FAM13A: variants seen among roughly 807,000 people sequenced by gnomAD.
FAM13A encodes family with sequence similarity 13 member A.
A neutral mutation model predicts 129.6 loss-of-function variants in FAM13A; 76 were observed. That is an observed-to-expected ratio of 0.59 (90% CI 0.49 to 0.71). The LOEUF (loss-of-function observed/expected upper bound fraction) is 0.71. FAM13A is among the 30% of genes least tolerant of loss of function. FAM13A has a pLI of 0.00. For synonymous variants in FAM13A, 443 were observed against 449.9 expected (o/e 0.98, Z 0.20); for missense variants, 1,108 against 1,249.3 (o/e 0.89, Z 1.70).
intron 5 of FAM13A, among the ~76,000 whole-genome samples, chr4:88,922,533 C>A (rs1246636): frequency 6.6e-6 from 1 of 151,830 alleles, no homozygotes; most frequent in African/African-American, 2.4e-5. Flanking sequence ...ACCAGAATCT[C>A]TGGGACACAT....
At chr4:88,832,064 G>C (rs1336426854) in intron 7 of FAM13A, among the ~76,000 whole-genome samples, 1 of 152,046 alleles carries the variant, frequency 6.6e-6, no homozygotes, top group Non-Finnish European at 1.5e-5. Context: ...ACAGAATAGA[G>C]AACTCAGAAA....
chr4:88,822,839 G>C (rs1257616533), intron 7 of FAM13A: 1 of 1,210,254 alleles, frequency 8.3e-7, no homozygotes, highest in Non-Finnish European at 1.1e-6. Flanking sequence ...TCTGTTCTTA[G>C]GGAGGAACCA....
rs565267823 is a variant in FAM13A at position 88,733,763 on chromosome 4, A to G, written c.2647-1565T>C. On this transcript the variant is annotated intron_variant, in intron 21 of 23. Transcript: ENST00000264344. Reference sequence around the variant, plus strand: ...CAGTCTAGTAATTCAGTTTGAAAAGAGAACTACAAAAAATTACTATTAGAA... The same window carrying G: ...CAGTCTAGTAATTCAGTTTGAAAAGGGAACTACAAAAAATTACTATTAGAA... 1.1e-3 allele frequency among the ~76,000 whole-genome samples: 170 copies of G among 152,388 alleles called. 2 individuals are homozygous for G. The highest frequency in any genetic ancestry group is 2.9e-3 in the South Asian group (14 of 4,834).
At chr4:88,812,654 T>G (rs1473525242) in intron 7 of FAM13A, among the ~76,000 whole-genome samples, 2 of 152,220 alleles carry the variant, frequency 1.3e-5, no homozygotes, top group Non-Finnish European at 2.9e-5. Context: ...CCTCCAGGCT[T>G]CAAGACACTT....
At chr4:88,855,475 T>A (rs536920198) in intron 6 of FAM13A, 1 of 152,270 alleles carries the variant, frequency 6.6e-6, no homozygotes, top group African/African-American at 2.4e-5. Flanking sequence ...ATTAAAATAC[T>A]TACAAAGTTT....
chr4:88,755,657 A>G (rs1156654552), intron 14 of FAM13A, among the ~76,000 whole-genome samples: 1 of 152,212 alleles, frequency 6.6e-6, no homozygotes, highest in Non-Finnish European at 1.5e-5. Context: ...TGGCCTCAGT[A>G]TTCTCATCTG....
intron 6 of FAM13A, among the ~76,000 whole-genome samples, chr4:88,893,814 G>C (rs1357335079): frequency 7.8e-6 from 1 of 127,474 alleles, no homozygotes. Context: ...CTGATGGAGC[G>C]AGACTCCGTC....
chr4:88,781,949 C>G (rs1171989857), intron 10 of FAM13A, among the ~76,000 whole-genome samples: 2 of 150,546 alleles, frequency 1.3e-5, no homozygotes, highest in East Asian at 3.9e-4. Context: ...ATGTAACAAA[C>G]CTGCACATTG....
At chr4:88,883,246 A>G (rs1201120803) in intron 6 of FAM13A, among the ~76,000 whole-genome samples, 2 of 152,184 alleles carry the variant, frequency 1.3e-5, no homozygotes, top group Non-Finnish European at 2.9e-5. Flanking sequence ...ATTCTCCAAG[A>G]TAGACCACAC....
chr4:88,737,380 C>T (rs1212910218), intron 21 of FAM13A, 92 bp downstream of exon 21: 5 of 1,092,242 alleles, frequency 4.6e-6, no homozygotes, highest in Admixed American at 3.5e-5. Context: ...CCAAAAGGCC[C>T]GATCACACCC....
intron 2 of FAM13A, among the ~76,000 whole-genome samples, chr4:89,024,759 T>C (rs946842331): frequency 6.6e-6 from 1 of 152,212 alleles, no homozygotes; most frequent in Non-Finnish European, 1.5e-5. Context: ...TTTATTAACA[T>C]GGTAGTTTCA....
chr4:89,021,023 C>T (rs1767190003), intron 2 of FAM13A, among the ~76,000 whole-genome samples: 1 of 152,216 alleles, frequency 6.6e-6, no homozygotes, highest in South Asian at 2.1e-4. Flanking sequence ...AGCAGCTTAA[C>T]ACTTCATGAA....
intron 1 of FAM13A, among the ~76,000 whole-genome samples, chr4:89,041,742 G>A (rs138744895): frequency 0.013 from 1,939 of 152,098 alleles, 48 homozygotes; most frequent in African/African-American, 0.044. Context: ...CCAACATGGT[G>A]AAAGTCCTTC....
chr4:88,919,267 A>G (rs1260674882), intron 5 of FAM13A, among the ~76,000 whole-genome samples: 2 of 152,232 alleles, frequency 1.3e-5, no homozygotes, highest in Non-Finnish European at 2.9e-5. Flanking sequence ...CAGGGTTGCC[A>G]TGTACAGCAG....
chr4:88,998,220 T>G (rs1054799657), intron 3 of FAM13A, among the ~76,000 whole-genome samples: 2 of 152,104 alleles, frequency 1.3e-5, no homozygotes, highest in African/African-American at 4.8e-5. Context: ...GATAATAAAT[T>G]TGCAATGCAT....
intron 4 of FAM13A, among the ~76,000 whole-genome samples, chr4:88,978,245 T>C (rs563509005): frequency 9.2e-5 from 14 of 152,362 alleles, no homozygotes; most frequent in Non-Finnish European, 2.1e-4. Context: ...ATTTTAACTC[T>C]GTAATCCTAA....
At chr4:88,732,801 T>G (rs1738132015) in intron 21 of FAM13A, among the ~76,000 whole-genome samples, 1 of 151,758 alleles carries the variant, frequency 6.6e-6, no homozygotes, top group African/African-American at 2.4e-5. Flanking sequence ...ACTCAAGCTT[T>G]TCCAAAGAAC....
intron 6 of FAM13A, among the ~76,000 whole-genome samples, chr4:88,863,699 C>G (rs1360001429): frequency 6.6e-6 from 1 of 152,122 alleles, no homozygotes; most frequent in Non-Finnish European, 1.5e-5. Flanking sequence ...TTCATGTCTG[C>G]AGATAATTGG....
At position 88,850,997 on chromosome 4, in the gene FAM13A, GTAGA is replaced by G; in HGVS notation, c.1007+19_1007+22del. On this transcript the variant is annotated intron_variant, in intron 7 of 23. Coordinates refer to ENST00000264344, the MANE Select transcript of FAM13A (RefSeq NM_014883.4). ...GAGCGAATAATGCAATATGGATTGTGTAGATAAAGAAAACATGCCAACCTGGGTA... is the reference window on the plus strand; with the variant it reads ...GAGCGAATAATGCAATATGGATTGTGTAAAGAAAACATGCCAACCTGGGTA... The G allele has an allele frequency of 1.2e-6, 2 of 1,611,232 alleles. No individual in the cohort carries two copies. The highest frequency in any genetic ancestry group is 2.2e-5 in the South Asian group (2 of 90,980).
Sources: gnomAD v4.1 joint callset for allele counts (sites outside exome capture counted in the v4.1 genomes callset) on GRCh38, gnomAD v4.1.1 for gene constraint, MANE v1.5 for transcripts, NCBI Gene and HGNC (gene_info 2026-07-23, HGNC 2026-07-21) for gene names.